PCAT7: variants seen among roughly 807,000 people sequenced by gnomAD.
PCAT7 encodes the protein prostate cancer associated transcript 7 (non-protein coding).
At chr9:94,555,324 G>A (rs1220520551) in intron 1 of PCAT7, 1 of 151,978 alleles carries the variant, frequency 6.6e-6, no homozygotes, top group East Asian at 1.9e-4. Context: ...GGAAGAAGAA[G>A]ATAGTTTTGG....
At chr9:94,565,242 GCGGGAGGCTGTAATCCCAGCTACT>G (rs1048977319) in intron 2 of PCAT7, among the ~76,000 whole-genome samples, 3 of 152,012 alleles carry the variant, frequency 2.0e-5, no homozygotes, top group South Asian at 4.2e-4. Context: ...GGGCATGGTG[GCGGGAGGCTGTAATCCCAGCTACT>G]CGGGAGGCTG....
intron 2 of PCAT7, chr9:94,567,786 T>G (rs1827213585): frequency 5.3e-6 from 1 of 188,974 alleles, no homozygotes; most frequent in Non-Finnish European, 1.1e-5. Context: ...CCATCAACAG[T>G]GAGAGGAAGA....
In PCAT7 at chr9:94,566,865, T is replaced by C. The variant is rs150070661; in HGVS notation, n.442-6114T>C. Among the ~76,000 whole-genome samples the C allele has an allele frequency of 4.8e-4, 73 of 152,354 alleles. 1 individual carries two copies. In the East Asian group the frequency reaches 8.7e-3, roughly 18 times the overall value. On this transcript the variant is annotated intron_variant and non_coding_transcript_variant, in intron 2 of 8. Transcript: ENST00000647389. ...TTTATATTTTATGTTTCTAATCTCT[T>C]TTAATTTCATTTTTCCATGAACTTT... is the stretch of plus-strand genomic sequence containing the variant.
chr9:94,573,638 A>C (rs2679601), intron 3 of PCAT7, among the ~76,000 whole-genome samples: 138,921 of 152,290 alleles, frequency 0.91, 63,432 homozygotes, highest in Non-Finnish European at 0.92. Flanking sequence ...CTGACTGATT[A>C]TGAATACTGG....
chr9:94,566,453 T>C (rs113453602), intron 2 of PCAT7, among the ~76,000 whole-genome samples: 12,533 of 152,382 alleles, frequency 0.082, 573 homozygotes, highest in South Asian at 0.16. Context: ...AACCTATTCC[T>C]TTAATTTGGC....
chr9:94,559,331 C>G (rs1406005399), intron 2 of PCAT7, among the ~76,000 whole-genome samples: 5 of 152,212 alleles, frequency 3.3e-5, no homozygotes, highest in Non-Finnish European at 7.4e-5. Context: ...CATCCAGAAG[C>G]CTTGGGGGCC....
chr9:94,572,818 TTG>T (rs1827283136), intron 2 of PCAT7, among the ~76,000 whole-genome samples: 1 of 152,256 alleles, frequency 6.6e-6, no homozygotes, highest in Admixed American at 6.5e-5. Flanking sequence ...GTTCCATTTT[TTG>T]TGTGATTGTA....
intron 2 of PCAT7, among the ~76,000 whole-genome samples, chr9:94,566,193 GAACAGGCCCCCCAAAACCTGGCCATA>G (rs1181470290): frequency 6.6e-6 from 1 of 152,180 alleles, no homozygotes; most frequent in African/African-American, 2.4e-5. Flanking sequence ...GCACTGTTGG[GAACAGGCCCCCCAAAACCTGGCCATA>G]AACTGGCCCC....
intron 2 of PCAT7, chr9:94,563,574 TC>T: frequency 8.7e-7 from 1 of 1,144,578 alleles, no homozygotes; most frequent in Non-Finnish European, 1.3e-6. Context: ...ATCCCTATCC[TC>T]CACCCACTAG....
intron 2 of PCAT7, chr9:94,568,778 T>C (rs1373125145): frequency 6.6e-6 from 1 of 152,222 alleles, no homozygotes; most frequent in East Asian, 1.9e-4. Context: ...ACTGCTTCTA[T>C]ATCAGTGACT....
chr9:94,564,755 C>T (rs1827161761), intron 2 of PCAT7, among the ~76,000 whole-genome samples: 1 of 152,042 alleles, frequency 6.6e-6, no homozygotes, highest in Non-Finnish European at 1.5e-5. Context: ...ACAGCAAACC[C>T]CCATGACAGG....
At chr9:94,564,517 G>T (rs1442440464) in intron 2 of PCAT7, among the ~76,000 whole-genome samples, 3 of 152,196 alleles carry the variant, frequency 2.0e-5, no homozygotes, top group Non-Finnish European at 2.9e-5. Context: ...AGGAACATGG[G>T]TGGAGCTGAA....
chr9:94,571,450 T>C (rs1345751447), intron 2 of PCAT7: 1 of 1,604,732 alleles, frequency 6.2e-7, no homozygotes, highest in Non-Finnish European at 8.5e-7. Context: ...TGATGCCATA[T>C]TCTGTACCTA....
At chr9:94,571,482 C>T in intron 2 of PCAT7, 1 of 1,613,084 alleles carries the variant, frequency 6.2e-7, no homozygotes, top group South Asian at 1.1e-5. Context: ...ATGAAGAGGT[C>T]CACGCCTTGC....
intron 2 of PCAT7, among the ~76,000 whole-genome samples, chr9:94,559,801 T>A (rs1015195494): frequency 6.6e-6 from 1 of 152,126 alleles, no homozygotes; most frequent in African/African-American, 2.4e-5. Flanking sequence ...CTGCTGTCCA[T>A]CCTAGCTGGT....
chr9:94,565,414 G>T (rs1282105232), intron 2 of PCAT7, among the ~76,000 whole-genome samples: 1 of 151,054 alleles, frequency 6.6e-6, no homozygotes, highest in African/African-American at 2.4e-5. Context: ...TTTTGAGGGT[G>T]GAGTATCTTA....
intron 1 of PCAT7, among the ~76,000 whole-genome samples, chr9:94,557,811 T>G (rs1827032352): frequency 6.6e-6 from 1 of 152,260 alleles, no homozygotes; most frequent in South Asian, 2.1e-4. Context: ...ATGAATGTCT[T>G]TCTTAGCCTC....
intron 2 of PCAT7, among the ~76,000 whole-genome samples, chr9:94,559,737 T>A (rs1827066291): frequency 6.6e-6 from 1 of 152,182 alleles, no homozygotes. Context: ...GTACTTCCCC[T>A]CTGGTACCAC....
intron 1 of PCAT7, among the ~76,000 whole-genome samples, chr9:94,558,196 C>G (rs187056281): frequency 4.0e-4 from 61 of 152,298 alleles, no homozygotes; most frequent in African/African-American, 1.4e-3. Flanking sequence ...GACACAAATA[C>G]TCTTCTAAGA....
Sources: allele counts gnomAD v4.1 joint callset (sites outside exome capture counted in the v4.1 genomes callset), GRCh38; gene constraint gnomAD v4.1.1; transcripts MANE v1.5; gene names NCBI Gene and HGNC (gene_info 2026-07-23, HGNC 2026-07-21).